The following BAIAP2L1 variants were observed in gnomAD, a reference collection of about 807,000 sequenced individuals.
BAIAP2L1 encodes BAR/IMD domain containing adaptor protein 2 like 1.
Under a neutral mutation model 66.3 loss-of-function variants are expected in BAIAP2L1, and 35 were observed. The ratio of observed to expected loss-of-function variants is 0.53; its 90% CI spans 0.40 to 0.70. The LOEUF is 0.70. Among genes scored for constraint, BAIAP2L1 ranks in the 30% least tolerant of loss-of-function variants. BAIAP2L1 has a pLI of 0.00. For synonymous variants in BAIAP2L1, 269 were observed against 248.7 expected (o/e 1.08, Z -0.77); for missense variants, 622 against 656.9 (o/e 0.95, Z 0.58).
intron 12 of BAIAP2L1, among the ~76,000 whole-genome samples, chr7:98,301,232 C>T (rs914377168): frequency 6.6e-6 from 1 of 152,194 alleles, no homozygotes; most frequent in African/African-American, 2.4e-5. Context: ...AACATGACCT[C>T]CCTGTGGGCG....
At chr7:98,395,312 G>A (rs1803174428) in intron 1 of BAIAP2L1, among the ~76,000 whole-genome samples, 1 of 151,806 alleles carries the variant, frequency 6.6e-6, no homozygotes, top group African/African-American at 2.4e-5. Flanking sequence ...GGTGGCATAA[G>A]CCTGTAATCC....
intron 1 of BAIAP2L1, among the ~76,000 whole-genome samples, chr7:98,375,896 CT>C (rs1802615828): frequency 6.6e-6 from 1 of 152,140 alleles, no homozygotes; most frequent in Admixed American, 6.6e-5. Flanking sequence ...CTTTTCTCCC[CT>C]GGGGGAGCCA....
chr7:98,348,570 A>T lies in BAIAP2L1; in HGVS notation c.214+6472T>A, dbSNP rs1269837114. ...CAACAGAGTGAGACTCTGCCTCCAC[A>T]AAAAAAAAAAAAAAAAGAAAGAAAG... is the stretch of plus-strand genomic sequence containing the variant. On this transcript the variant is annotated intron_variant, in intron 3 of 13. Coordinates refer to ENST00000005260, the MANE Select transcript of BAIAP2L1 (RefSeq NM_018842.5). 1.7e-4 allele frequency among the ~76,000 whole-genome samples: 22 copies of T among 132,588 alleles called. No homozygotes were observed. The South Asian group carries it at 2.0e-3, about 12-fold the overall frequency. The allele number at this position is 132,588 out of a possible 152,430, so 87.0% of individuals were successfully genotyped here.
chr7:98,315,625 A>ATACT lies in BAIAP2L1; in HGVS notation c.487-14_487-13insAGTA. The ATACT allele has an allele frequency of 3.5e-6, 4 of 1,130,960 alleles. No individual in the cohort carries two copies. The highest frequency in any genetic ancestry group is 2.7e-5 in the South Asian group (1 of 36,760). 70.1% of individuals were successfully genotyped at this position (1,130,960 alleles called of 1,614,324 possible). A position where few individuals can be genotyped will look rare whatever the true frequency, so the allele number is the denominator to read the frequency against. On this transcript the variant is annotated splice_polypyrimidine_tract_variant and intron_variant, in intron 6 of 13. Transcript: ENST00000005260. ...CGGTCTCCACATACTAAAAAAAAAA[A>ATACT]AATAATAATAATAATAATTATATAA...
intron 2 of BAIAP2L1, among the ~76,000 whole-genome samples, chr7:98,357,043 A>G (rs1480001211): frequency 1.2e-4 from 2 of 16,764 alleles, no homozygotes; most frequent in Admixed American, 1.4e-3. Flanking sequence ...ATATATATAT[A>G]TATATATTTT....
At position 98,293,003 on chromosome 7, in the gene BAIAP2L1, A is replaced by G. The variant is rs542935854; in HGVS notation, c.*518T>C. On this transcript the variant is annotated 3_prime_UTR_variant, in exon 14 of 14. Transcript: ENST00000005260. ...ATCTCTGGAAGCTCTACACTTAAAC[A>G]TTTTAAGTTAAATTACATTTATATA... 2.3e-5 allele frequency: 25 copies of G among 1,101,958 alleles called. No individual in the cohort carries two copies. In the African/African-American group the frequency reaches 3.6e-4, roughly 16 times the overall value. The allele number at this position is 1,101,958 out of a possible 1,614,324, so 68.3% of individuals were successfully genotyped here.
chr7:98,312,143 A>G lies in BAIAP2L1; in HGVS notation c.761T>C (p.Val254Ala), dbSNP rs1261582074. 1 of 1,614,006 alleles carries G rather than the reference A, an allele frequency of 6.2e-7. No homozygotes were observed. The highest frequency in any genetic ancestry group is 8.5e-7 in the Non-Finnish European group (1 of 1,179,970). The change falls in exon 8 of 14, where the codon GTG becomes GCG. Residue 254 changes from valine to alanine, a missense_variant. Coordinates refer to ENST00000005260, the MANE Select transcript of BAIAP2L1 (RefSeq NM_018842.5). ...EEIKTPASTP[V>A]SGTPQASPMI... is the part of the protein sequence containing the mutation. Reference sequence around the variant, plus strand: ...GGGTGAAGCCTGAGGAGTTCCAGACACGGGGGTAGAGGCTGGGGTCTTTAT... The same window carrying G: ...GGGTGAAGCCTGAGGAGTTCCAGACGCGGGGGTAGAGGCTGGGGTCTTTAT...
intron 3 of BAIAP2L1, among the ~76,000 whole-genome samples, chr7:98,324,265 A>AC (rs1801324589): frequency 6.6e-6 from 1 of 152,264 alleles, no homozygotes; most frequent in Non-Finnish European, 1.5e-5. Flanking sequence ...CAGGAACTCA[A>AC]CATAACTCGA....
rs1224504450 is a variant in BAIAP2L1 at position 98,343,593 on chromosome 7, C to G, written c.214+11449G>C. 2.6e-5 allele frequency among the ~76,000 whole-genome samples: 4 copies of G among 152,308 alleles called. No homozygotes were observed. In the East Asian group the frequency reaches 7.7e-4, roughly 29 times the overall value. ...GAGGTTAGGACTTGAGTATCCCATG[C>G]TACTGTGGTTGTTAGGATTATGTCG... On this transcript the variant is annotated intron_variant, in intron 3 of 13. Transcript: ENST00000005260.
chr7:98,389,984 T>C (rs923420619), intron 1 of BAIAP2L1, among the ~76,000 whole-genome samples: 7 of 140,610 alleles, frequency 5.0e-5, no homozygotes, highest in Admixed American at 2.9e-4. Context: ...GGCGGGATCT[T>C]GGCTCACTGC....
chr7:98,304,522 A>G (rs781024243), intron 11 of BAIAP2L1, 146 bp from the exon 12 acceptor site: 1 of 815,214 alleles, frequency 1.2e-6, no homozygotes, highest in African/African-American at 1.8e-5. Context: ...AGACACACAC[A>G]GTACATATAT....
chr7:98,367,637 G>A (rs1268423297), intron 1 of BAIAP2L1, among the ~76,000 whole-genome samples: 1 of 149,834 alleles, frequency 6.7e-6, no homozygotes, highest in African/African-American at 2.5e-5. Flanking sequence ...TGGGGTTCAC[G>A]TCATTCTCCT....
intron 3 of BAIAP2L1, among the ~76,000 whole-genome samples, chr7:98,324,043 G>A (rs1266610489): frequency 1.3e-5 from 2 of 152,152 alleles, no homozygotes; most frequent in Non-Finnish European, 2.9e-5. Context: ...CCCGGAGGGT[G>A]GGGCGAAGCA....
At chr7:98,387,299 C>T (rs555374702) in intron 1 of BAIAP2L1, among the ~76,000 whole-genome samples, 2 of 152,198 alleles carry the variant, frequency 1.3e-5, no homozygotes, top group South Asian at 2.1e-4. Context: ...TTTTCTCCAG[C>T]GTGGTTTCTG....
At position 98,306,429 on chromosome 7, in the gene BAIAP2L1, T is replaced by G; in HGVS notation, c.1241+10A>C. 6.2e-7 allele frequency: 1 copy of G among 1,614,126 alleles called. No individual in the cohort carries two copies. Among genetic ancestry groups the G allele is most frequent in the Non-Finnish European group, 8.5e-7 (1 of 1,179,986 alleles). ...TGTCACCGGGAGAGCTCAGCCACGT[T>G]CAGGGCTACCTTGGCGTGGGCACGG... On this transcript the variant is annotated intron_variant, in intron 11 of 13. Coordinates refer to ENST00000005260, the MANE Select transcript of BAIAP2L1 (RefSeq NM_018842.5).
intron 1 of BAIAP2L1, 104 bp from the exon 2 acceptor site, chr7:98,362,536 G>T: frequency 1.2e-6 from 1 of 861,848 alleles, no homozygotes; most frequent in Non-Finnish European, 1.9e-6. Context: ...ATGCCTAACA[G>T]CACAGTCTAC....
intron 2 of BAIAP2L1, 130 bp from the exon 3 acceptor site, chr7:98,355,258 C>T: frequency 1.4e-6 from 1 of 691,896 alleles, no homozygotes; most frequent in Non-Finnish European, 2.6e-6. Flanking sequence ...AGGTGTGGCT[C>T]TCAGGAGGTA....
Position 98,400,818 on chromosome 7 carries a change from G to A in BAIAP2L1, c.35C>T (p.Thr12Met), listed in dbSNP as rs973864173. ...SRGPEEVNRL[T>M]ESTYRNVMEQ... ...TGGGCTTACCCGGTAGGTGCTCTCC[G>A]TGAGCCGGTTCACCTCCTCGGGCCC... is the stretch of plus-strand genomic sequence containing the variant. Residue 12 changes from threonine to methionine, a missense_variant, in exon 1 of 14, where the codon ACG becomes ATG. Coordinates refer to ENST00000005260, the MANE Select transcript of BAIAP2L1 (RefSeq NM_018842.5). The A allele has an allele frequency of 1.3e-6, 2 of 1,548,184 alleles. No individual in the cohort carries two copies. The highest frequency in any genetic ancestry group is 1.7e-6 in the Non-Finnish European group (2 of 1,145,838).
intron 5 of BAIAP2L1, among the ~76,000 whole-genome samples, chr7:98,318,384 G>A (rs1312351574): frequency 6.6e-6 from 1 of 151,868 alleles, no homozygotes; most frequent in Non-Finnish European, 1.5e-5. Flanking sequence ...TGCCTCCCGG[G>A]TTCAAGTGAT....
Sources: allele counts gnomAD v4.1 joint callset (sites outside exome capture counted in the v4.1 genomes callset), GRCh38; gene constraint gnomAD v4.1.1; transcripts MANE v1.5; gene names NCBI Gene and HGNC (gene_info 2026-07-23, HGNC 2026-07-21).